AKR1D1: variants seen among roughly 807,000 people sequenced by gnomAD.
AKR1D1 encodes delta(4)-3-ketosteroid 5-beta-reductase.
A neutral mutation model predicts 42.6 loss-of-function variants in AKR1D1; 32 were observed. The ratio of observed to expected loss-of-function variants is 0.75; its 90% confidence interval spans 0.57 to 1.01. The LOEUF is 1.01. AKR1D1 is among the 50% of genes least tolerant of loss of function. The pLI is 0.00. For synonymous variants in AKR1D1, 123 were observed against 135.5 expected, an observed-to-expected ratio of 0.91 and a Z score of 0.64; for missense variants, 364 against 402.2, an observed-to-expected ratio of 0.91 and a Z score of 0.81.
chr7:138,091,582 C>T (rs28547527), intron 2 of AKR1D1, among the ~76,000 whole-genome samples, 186 bp from the exon 3 acceptor site: 2,507 of 151,858 alleles, frequency 0.017, 74 homozygotes, highest in African/African-American at 0.057. Context: ...ATAATCCCAG[C>T]ACTTTGGGAG....
intron 1 of AKR1D1, among the ~76,000 whole-genome samples, chr7:138,083,775 T>C (rs555000766): frequency 1.5e-4 from 23 of 152,194 alleles, no homozygotes; most frequent in Non-Finnish European, 3.2e-4. Flanking sequence ...TGGTGTAAGA[T>C]ACAGGTCCAA....
intron 4 of AKR1D1, among the ~76,000 whole-genome samples, chr7:138,101,453 CT>C (rs1794318296): frequency 6.6e-6 from 1 of 152,038 alleles, no homozygotes; most frequent in Admixed American, 6.6e-5. Context: ...ATGCCTTGGC[CT>C]TTCAAAGTGC....
At chr7:138,083,245 T>C (rs1803095017) in intron 1 of AKR1D1, among the ~76,000 whole-genome samples, 1 of 152,148 alleles carries the variant, frequency 6.6e-6, no homozygotes, top group South Asian at 2.1e-4. Flanking sequence ...TCCTAATGGG[T>C]GTGAGGTGTT....
intron 7 of AKR1D1, among the ~76,000 whole-genome samples, chr7:138,113,138 G>A (rs1038873908): frequency 6.6e-6 from 1 of 152,046 alleles, no homozygotes; most frequent in Non-Finnish European, 1.5e-5. Flanking sequence ...GCAGCATGGT[G>A]AAACCCCATC....
chr7:138,095,417 A>T (rs1236355720), intron 3 of AKR1D1, among the ~76,000 whole-genome samples: 1 of 152,224 alleles, frequency 6.6e-6, no homozygotes, highest in Non-Finnish European at 1.5e-5. Flanking sequence ...AGTTGAAAAG[A>T]CATTGTCTTT....
intron 1 of AKR1D1, among the ~76,000 whole-genome samples, chr7:138,086,303 G>A (rs1315615758): frequency 1.3e-5 from 2 of 152,120 alleles, no homozygotes; most frequent in Admixed American, 6.5e-5. Context: ...CCTTCCCACT[G>A]TACTTTGGTT....
At chr7:138,107,666 C>T (rs920706012) in intron 7 of AKR1D1, 86 bp downstream of exon 7, 38 of 1,412,752 alleles carry the variant, frequency 2.7e-5, no homozygotes, top group Non-Finnish European at 3.5e-5. Flanking sequence ...TAATAGGAAA[C>T]CTGTAACACT....
chr7:138,084,652 A>G (rs374997153), intron 1 of AKR1D1, among the ~76,000 whole-genome samples: 17 of 152,290 alleles, frequency 1.1e-4, no homozygotes, highest in African/African-American at 3.8e-4. Flanking sequence ...AGATTCTCCT[A>G]TCATATCATT....
intron 1 of AKR1D1, among the ~76,000 whole-genome samples, chr7:138,084,822 CTGAGG>C (rs1486681913): frequency 6.6e-6 from 1 of 152,012 alleles, no homozygotes; most frequent in African/African-American, 2.4e-5. Flanking sequence ...CTTTGGGAGG[CTGAGG>C]CGGGCAGATC....
intron 4 of AKR1D1, among the ~76,000 whole-genome samples, chr7:138,102,070 GC>G (rs1794329330): frequency 6.6e-6 from 1 of 152,040 alleles, no homozygotes; most frequent in South Asian, 2.1e-4. Flanking sequence ...AATTAGCCAG[GC>G]ATAGTGGCGC....
rs201142773 is a variant in AKR1D1, at chr7:138,091,890, T to G, written c.378+6T>G. The stretch of plus-strand genomic sequence containing the variant: ...AAGTACCCATGGCCTTTAAGGTGAG[T>G]TCAGATGCCCAAAGGTCAGGTCTCT... On this transcript the variant is annotated splice_donor_region_variant and intron_variant, in intron 3 of 8. Transcript: ENST00000242375. 1.9e-5 allele frequency: 30 copies of G among 1,594,064 alleles called. 2 individuals carry two copies. The African/African-American group carries it at 3.5e-4, about 19-fold the overall frequency.
At chr7:138,109,550 C>A (rs1343747435) in intron 7 of AKR1D1, among the ~76,000 whole-genome samples, 1 of 152,130 alleles carries the variant, frequency 6.6e-6, no homozygotes, top group Non-Finnish European at 1.5e-5. Context: ...AGTAGGATAC[C>A]CTGACCCCAG....
intron 1 of AKR1D1, among the ~76,000 whole-genome samples, chr7:138,083,938 G>A (rs1288738980): frequency 6.6e-6 from 1 of 152,052 alleles, no homozygotes; most frequent in African/African-American, 2.4e-5. Flanking sequence ...AAAAGTATTT[G>A]TGAGCGAGCA....
chr7:138,087,554 T>A (rs182363783), intron 1 of AKR1D1, among the ~76,000 whole-genome samples: 2 of 152,218 alleles, frequency 1.3e-5, no homozygotes, highest in African/African-American at 4.8e-5. Flanking sequence ...AACTGACATA[T>A]AATAAACTGT....
rs61466734 is a variant in AKR1D1, at chr7:138,081,506, C to CTTT, written c.93+4929_93+4931dup. Among the ~76,000 whole-genome samples the CTTT allele has an allele frequency of 1.8e-3, 88 of 47,694 alleles. 24 individuals are homozygous for CTTT. The highest frequency in any genetic ancestry group is 8.3e-3 in the African/African-American group (83 of 9,984). 31.3% of individuals were successfully genotyped at this position (47,694 alleles called of 152,430 possible). A position where few individuals can be genotyped will look rare whatever the true frequency, so the allele number is the denominator to read the frequency against. On this transcript the variant is annotated intron_variant, in intron 1 of 8. Coordinates refer to ENST00000242375, the MANE Select transcript of AKR1D1 (RefSeq NM_005989.4). ...TCCAAAATATAAAAGGAACTCCTAC[C>CTTT]TTTTTTTTTTTTTTTTTTTTTTTTT... is the stretch of plus-strand genomic sequence containing the variant.
intron 1 of AKR1D1, among the ~76,000 whole-genome samples, chr7:138,088,029 C>T (rs1260942214): frequency 6.6e-6 from 1 of 151,808 alleles, no homozygotes; most frequent in Admixed American, 6.6e-5. Context: ...TAACTGGGAC[C>T]ACAGGCGCAT....
chr7:138,088,900 T>TTGTC (rs1054582646), intron 2 of AKR1D1, 132 bp downstream of exon 2: 7 of 835,868 alleles, frequency 8.4e-6, no homozygotes, highest in African/African-American at 2.8e-5. Context: ...CAGTTTGGGT[T>TTGTC]TGTTTGTTTG....
chr7:138,107,876 G>T (rs1341920717), intron 7 of AKR1D1, among the ~76,000 whole-genome samples: 3 of 151,662 alleles, frequency 2.0e-5, no homozygotes, highest in Non-Finnish European at 2.9e-5. Context: ...TAGAGATAGG[G>T]TCTTGCTATA....
chr7:138,091,914 C>G, intron 3 of AKR1D1, 30 bp downstream of exon 3: 1 of 1,494,536 alleles, frequency 6.7e-7, no homozygotes, highest in Non-Finnish European at 9.3e-7. Flanking sequence ...GGTCAGGTCT[C>G]TGCACCCTGG....
Sources: gnomAD v4.1 joint callset for allele counts (sites outside exome capture counted in the v4.1 genomes callset) on GRCh38, gnomAD v4.1.1 for gene constraint, MANE v1.5 for transcripts, NCBI Gene and HGNC (gene_info 2026-07-23, HGNC 2026-07-21) for gene names.